The following STAG1 variants were observed in gnomAD, a reference collection of about 807,000 sequenced individuals.
STAG1 encodes the protein STAG1 cohesin complex component.
Under a neutral mutation model 170.9 loss-of-function variants are expected in STAG1, and 26 were observed. That is an observed-to-expected ratio of 0.15 (90% confidence interval 0.11 to 0.21). The LOEUF (loss-of-function observed/expected upper bound fraction) is 0.21, where lower values mean the gene tolerates loss of function less well. Ranked by LOEUF, STAG1 falls within the 10% of genes least tolerant of loss-of-function variation. The pLI is 1.00. For synonymous variants in STAG1, 514 were observed against 497.7 expected (o/e 1.03, Z -0.44); for missense variants, 964 against 1,509.5 (o/e 0.64, Z 5.99).
intron 5 of STAG1, among the ~76,000 whole-genome samples, chr3:136,564,968 A>C (rs1344141059): frequency 2.0e-5 from 1 of 51,070 alleles, no homozygotes; most frequent in Non-Finnish European, 3.8e-5. Flanking sequence ...TGTATGAGGA[A>C]GGAAGGAAGG....
intron 3 of STAG1, chr3:136,609,002 T>C (rs554383230): frequency 9.9e-5 from 15 of 152,220 alleles, no homozygotes; most frequent in Middle Eastern, 3.4e-3. Context: ...AGGCTCTCTG[T>C]GCACCATGGC....
At chr3:136,730,693 T>G (rs1220926410) in intron 1 of STAG1, among the ~76,000 whole-genome samples, 1 of 152,236 alleles carries the variant, frequency 6.6e-6, no homozygotes, top group Non-Finnish European at 1.5e-5. Context: ...GTTTTAAAGC[T>G]GTCAGGTAAT....
At chr3:136,508,904 GAGAGAC>G (rs1324977684) in intron 7 of STAG1, among the ~76,000 whole-genome samples, 19 of 151,838 alleles carry the variant, frequency 1.3e-4, no homozygotes, top group South Asian at 1.2e-3. Context: ...GAGAGAGAGA[GAGAGAC>G]AGAGACAGAG....
chr3:136,451,986 T>A, intron 14 of STAG1, 47 bp downstream of exon 14: 3 of 1,212,440 alleles, frequency 2.5e-6, no homozygotes, highest in Non-Finnish European at 3.5e-6. Flanking sequence ...ACATTTAAAA[T>A]GTAATATAAT....
At chr3:136,451,511 C>T (rs943058453) in intron 14 of STAG1, among the ~76,000 whole-genome samples, 2 of 152,100 alleles carry the variant, frequency 1.3e-5, no homozygotes, top group Non-Finnish European at 2.9e-5. Context: ...TGACCATAAT[C>T]CCAGCACTTT....
intron 6 of STAG1, among the ~76,000 whole-genome samples, chr3:136,533,625 T>C (rs1281739049): frequency 6.6e-6 from 1 of 152,130 alleles, no homozygotes; most frequent in Non-Finnish European, 1.5e-5. Flanking sequence ...ACCAGATATC[T>C]TGTGAATTCA....
At chr3:136,540,822 C>CAAAAAA (rs554338920) in intron 6 of STAG1, among the ~76,000 whole-genome samples, 643 of 46,328 alleles carry the variant, frequency 0.014, 81 homozygotes, top group Non-Finnish European at 0.019. Context: ...ACTGTGTCTC[C>CAAAAAA]AAAAAAAAAA....
chr3:136,631,107 C>T, intron 1 of STAG1, 126 bp from the exon 2 acceptor site: 2 of 500,078 alleles, frequency 4.0e-6, no homozygotes, highest in Admixed American at 3.8e-5. Context: ...AGCTGAAAAC[C>T]AATGTCCACA....
At chr3:136,751,822 G>A (rs1240805545) in intron 1 of STAG1, among the ~76,000 whole-genome samples, 2 of 151,060 alleles carry the variant, frequency 1.3e-5, no homozygotes, top group South Asian at 2.1e-4. Flanking sequence ...GGGGGGCGGA[G>A]GGCGGGCTTG....
intron 1 of STAG1, among the ~76,000 whole-genome samples, chr3:136,709,628 G>A (rs1466540450): frequency 6.6e-6 from 1 of 151,876 alleles, no homozygotes; most frequent in Non-Finnish European, 1.5e-5. Flanking sequence ...CCGGCTACTA[G>A]GGAGACTGAG....
chr3:136,365,094 T>C (rs990726661), intron 25 of STAG1, among the ~76,000 whole-genome samples: 1 of 152,172 alleles, frequency 6.6e-6, no homozygotes, highest in East Asian at 1.9e-4. Flanking sequence ...TTAGAGCCTA[T>C]AGTGAATAGA....
At chr3:136,664,060 C>A (rs1298715061) in intron 1 of STAG1, among the ~76,000 whole-genome samples, 1 of 152,274 alleles carries the variant, frequency 6.6e-6, no homozygotes, top group Non-Finnish European at 1.5e-5. Context: ...CCTCTTCTTG[C>A]TTAAAGAGTT....
chr3:136,624,938 GA>G (rs1294391667), intron 2 of STAG1, among the ~76,000 whole-genome samples: 1 of 152,124 alleles, frequency 6.6e-6, no homozygotes, highest in Non-Finnish European at 1.5e-5. Flanking sequence ...GATGAATTTT[GA>G]GTATTTACTA....
chr3:136,530,219 C>T (rs1004937845), intron 6 of STAG1, among the ~76,000 whole-genome samples: 11 of 152,262 alleles, frequency 7.2e-5, no homozygotes, highest in African/African-American at 2.6e-4. Flanking sequence ...AACAGTGGAG[C>T]ATCCAGATTT....
intron 13 of STAG1, among the ~76,000 whole-genome samples, chr3:136,463,325 G>A (rs1183193931): frequency 1.3e-5 from 2 of 152,068 alleles, no homozygotes; most frequent in Non-Finnish European, 2.9e-5. Flanking sequence ...ATTTGTTATT[G>A]TAGCACTGAA....
At chr3:136,582,310 A>G (rs1937608259) in intron 4 of STAG1, among the ~76,000 whole-genome samples, 1 of 152,190 alleles carries the variant, frequency 6.6e-6, no homozygotes, top group South Asian at 2.1e-4. Context: ...CGGCTAGAAG[A>G]GGCTCACCAC....
chr3:136,439,269 G>T (rs950442520), intron 15 of STAG1, among the ~76,000 whole-genome samples: 1 of 146,156 alleles, frequency 6.8e-6, no homozygotes, highest in African/African-American at 2.5e-5. Context: ...CTGATATCCA[G>T]AAGTTACTTG....
At chr3:136,546,147 T>C (rs1158703537) in intron 5 of STAG1, among the ~76,000 whole-genome samples, 1 of 152,188 alleles carries the variant, frequency 6.6e-6, no homozygotes, top group East Asian at 1.9e-4. Context: ...TGTTCAAAGA[T>C]GTCCAAAGTA....
rs528233482 is a variant in STAG1 at position 136,388,587 on chromosome 3, T to G, written c.2277+10162A>C. Reference sequence around the variant, plus strand: ...TTTCACCATGTTGGTCAGGCTCATCTCGAACTCCTGGCCTCCAGATCCGCC... The same window carrying G: ...TTTCACCATGTTGGTCAGGCTCATCGCGAACTCCTGGCCTCCAGATCCGCC... On this transcript the variant is annotated intron_variant, in intron 22 of 33. Coordinates refer to ENST00000383202, the MANE Select transcript of STAG1 (RefSeq NM_005862.3). Among the ~76,000 whole-genome samples, 4 of 152,254 alleles carry G rather than the reference T, an allele frequency of 2.6e-5. No homozygotes were observed. In the East Asian group the frequency reaches 7.7e-4, roughly 29 times the overall value.
Sources: allele counts gnomAD v4.1 joint callset (sites outside exome capture counted in the v4.1 genomes callset), GRCh38; gene constraint gnomAD v4.1.1; transcripts MANE v1.5; gene names NCBI Gene and HGNC (gene_info 2026-07-23, HGNC 2026-07-21).